TENT5D: variants seen among roughly 807,000 people sequenced by gnomAD.
TENT5D encodes the protein cancer/testis antigen 112.
For missense variants in TENT5D, 191 were observed against 287.0 expected (o/e 0.67, Z 2.42); for synonymous variants, 103 against 100.6 (o/e 1.02, Z -0.15).
At chrX:80,373,220 TC>T (rs1930661520) in intron 3 of TENT5D, among the ~76,000 whole-genome samples, 1 of 111,382 alleles carries the variant, frequency 9.0e-6, no homozygotes, top group African/African-American at 3.3e-5. Context: ...ATTATTTTTT[TC>T]AGAATTACAT....
In TENT5D at chrX:80,420,518, A is replaced by G. The variant is rs967645135; in HGVS notation, c.-187A>G. 8.1e-5 allele frequency: 9 copies of G among 111,689 alleles called. No individual in the cohort carries two copies. In the Admixed American group the frequency reaches 8.6e-4, roughly 11 times the overall value. 9.2% of individuals were successfully genotyped at this position (111,689 alleles called of 1,213,427 possible). On this transcript the variant is annotated 5_prime_UTR_variant, in exon 1 of 3. Coordinates refer to ENST00000308293, the Ensembl canonical transcript of TENT5D. Reference sequence around the variant, plus strand: ...ACTCTGGTAAAGGATGTTAGTCTTCAGAGTAAGACTGTTAAATTCAGCAAA... The same window carrying G: ...ACTCTGGTAAAGGATGTTAGTCTTCGGAGTAAGACTGTTAAATTCAGCAAA...
intron 1 of TENT5D, among the ~76,000 whole-genome samples, chrX:80,438,047 A>C (rs1177953734): frequency 9.0e-6 from 1 of 111,652 alleles, no homozygotes; most frequent in Non-Finnish European, 1.9e-5. Context: ...TTAAAAGAGC[A>C]TTCACTTTGA....
intron 2 of TENT5D, among the ~76,000 whole-genome samples, chrX:80,441,977 G>A (rs186669580): frequency 1.6e-4 from 18 of 111,102 alleles, no homozygotes; most frequent in Admixed American, 1.4e-3. Flanking sequence ...GAAGACTTCA[G>A]TAATATTCTT....
chrX:80,345,133 A>G (rs990917377), intron 3 of TENT5D, among the ~76,000 whole-genome samples: 1 of 111,973 alleles, frequency 8.9e-6, no homozygotes, highest in South Asian at 3.7e-4. Context: ...AATGGTCAGA[A>G]AAGTTGGAAC....
intron 1 of TENT5D, among the ~76,000 whole-genome samples, chrX:80,423,546 AG>A (rs1370189816): frequency 9.0e-6 from 1 of 110,560 alleles, no homozygotes. Context: ...GGGACCAATC[AG>A]GAGCTGAAGT....
chrX:80,364,716 A>G (rs1304758637), intron 3 of TENT5D, among the ~76,000 whole-genome samples: 1 of 109,561 alleles, frequency 9.1e-6, no homozygotes, highest in Non-Finnish European at 1.9e-5. Context: ...TATAATATGT[A>G]GATATATAAA....
chrX:80,429,069 G>C (rs193229216), intron 1 of TENT5D, among the ~76,000 whole-genome samples: 3,133 of 110,863 alleles, frequency 0.028, 63 homozygotes, highest in Non-Finnish European at 0.038. Context: ...TGATGGAGCC[G>C]GGGGGTTGAG....
intron 3 of TENT5D, among the ~76,000 whole-genome samples, chrX:80,398,456 G>A (rs779521803): frequency 9.0e-6 from 1 of 110,769 alleles, no homozygotes; most frequent in Non-Finnish European, 1.9e-5. Context: ...TGTATCTTGG[G>A]GTCTTTATTT....
intron 2 of TENT5D, among the ~76,000 whole-genome samples, chrX:80,441,359 G>A (rs780513589): frequency 9.0e-6 from 1 of 111,383 alleles, no homozygotes; most frequent in East Asian, 2.8e-4. Flanking sequence ...AGTCCACGTA[G>A]ATGTCAAATA....
intron 3 of TENT5D, among the ~76,000 whole-genome samples, chrX:80,388,959 A>C (rs1351627969): frequency 9.0e-6 from 1 of 111,517 alleles, no homozygotes; most frequent in East Asian, 2.8e-4. Context: ...GCTGTGTCAA[A>C]TGTTCCCTCC....
intron 3 of TENT5D, among the ~76,000 whole-genome samples, chrX:80,362,247 T>G (rs1012417708): frequency 9.0e-6 from 1 of 110,766 alleles, no homozygotes; most frequent in African/African-American, 3.3e-5. Context: ...CACTCCAAGC[T>G]CCGCTTCCTG....
At chrX:80,341,943 C>T (rs1416768706) in intron 2 of TENT5D, among the ~76,000 whole-genome samples, 1 of 108,321 alleles carries the variant, frequency 9.2e-6, no homozygotes, top group African/African-American at 3.3e-5. Flanking sequence ...GATCTCCTGA[C>T]CTCGTGATCC....
At chrX:80,411,214 T>C (rs1180188916) in intron 3 of TENT5D, among the ~76,000 whole-genome samples, 1 of 109,045 alleles carries the variant, frequency 9.2e-6, no homozygotes, top group Non-Finnish European at 1.9e-5. Flanking sequence ...CTGCACAATG[T>C]GCACATGTAC....
At chrX:80,357,032 A>G (rs1469034786) in intron 3 of TENT5D, among the ~76,000 whole-genome samples, 2 of 110,886 alleles carry the variant, frequency 1.8e-5, no homozygotes, top group African/African-American at 3.3e-5. Context: ...TGTCCTTGAG[A>G]TAGTTTGCTG....
At chrX:80,384,912 A>G (rs930847798) in intron 3 of TENT5D, among the ~76,000 whole-genome samples, 5 of 111,064 alleles carry the variant, frequency 4.5e-5, no homozygotes, top group African/African-American at 6.6e-5. Flanking sequence ...CTGCTCAATG[A>G]AATAAAAAAG....
intron 3 of TENT5D, among the ~76,000 whole-genome samples, chrX:80,369,452 C>T (rs1407634773): frequency 9.0e-6 from 1 of 111,200 alleles, no homozygotes; most frequent in East Asian, 2.8e-4. Context: ...AGTGAAAGAT[C>T]AAGACAGAAA....
intron 1 of TENT5D, among the ~76,000 whole-genome samples, chrX:80,432,854 A>G (rs917005312): frequency 2.7e-5 from 3 of 110,576 alleles, no homozygotes; most frequent in Non-Finnish European, 5.7e-5. Context: ...GTTTTTATGG[A>G]CTGGGAAGGG....
At chrX:80,412,575 T>C (rs1569370409) in intron 3 of TENT5D, among the ~76,000 whole-genome samples, 1 of 112,142 alleles carries the variant, frequency 8.9e-6, no homozygotes, top group Non-Finnish European at 1.9e-5. Flanking sequence ...AAATTTCTTC[T>C]GCCAGATACC....
At chrX:80,345,010 A>G (rs1930031618) in intron 3 of TENT5D, among the ~76,000 whole-genome samples, 1 of 111,322 alleles carries the variant, frequency 9.0e-6, no homozygotes. Flanking sequence ...AGAAAGAATA[A>G]AGAACACTCA....
Sources: gnomAD v4.1 joint callset for allele counts (sites outside exome capture counted in the v4.1 genomes callset) on GRCh38, gnomAD v4.1.1 for gene constraint, MANE v1.5 for transcripts, NCBI Gene and HGNC (gene_info 2026-07-23, HGNC 2026-07-21) for gene names.